The following ETV3 variants were observed in gnomAD, a reference collection of about 807,000 sequenced individuals.
ETV3 encodes ETS translocation variant 3.
Under a neutral mutation model 33.0 loss-of-function variants are expected in ETV3, and 8 were observed. That is an observed-to-expected ratio of 0.24 (90% confidence interval 0.14 to 0.44). The LOEUF (loss-of-function observed/expected upper bound fraction) is 0.44. Ranked by LOEUF, ETV3 falls within the 20% of genes least tolerant of loss-of-function variation. ETV3 has a pLI of 1.00. For synonymous variants in ETV3, 222 were observed against 238.9 expected, an observed-to-expected ratio of 0.93 and a Z score of 0.65; for missense variants, 473 against 652.3, an observed-to-expected ratio of 0.73 and a Z score of 2.99.
chr1:157,131,119 C>T (rs1398071877), intron 4 of ETV3, among the ~76,000 whole-genome samples: 1 of 152,114 alleles, frequency 6.6e-6, no homozygotes, highest in Non-Finnish European at 1.5e-5. Flanking sequence ...TTCCAGTATT[C>T]CTGTAGGTTT....
rs983547959 is a variant in ETV3, at chr1:157,125,404, T to C, written c.976A>G (p.Met326Val). The change falls in exon 5 of 5, where the codon ATG (methionine) becomes GTG (valine). Residue 326 changes from methionine to valine, a missense_variant. Met to Val is a conservative substitution (Grantham distance 21). Coordinates refer to ENST00000368192, the MANE Select transcript of ETV3 (RefSeq NM_001145312.3). This position sits in a 1 kb window ranked among gnomAD's most constrained non-coding sequence, Gnocchi z 4.0. ...PRTFPRYPGL[M>V]VPPLQCQMHP... Reference sequence around the variant, plus strand: ...ATTTGGCACTGCAGTGGTGGAACCATGAGCCCTGGGTAACGGGGAAAAGTC... The same window carrying C: ...ATTTGGCACTGCAGTGGTGGAACCACGAGCCCTGGGTAACGGGGAAAAGTC... The C allele has an allele frequency of 1.5e-5, 24 of 1,552,178 alleles. No individual in the cohort carries two copies. Among genetic ancestry groups the C allele is most frequent in the Middle Eastern group, 1.7e-4 (1 of 5,996 alleles).
chr1:157,124,769 C>CCCCAAAATTTT lies in ETV3; in HGVS notation c.*71_*72insAAAATTTTGGG. 1.4e-6 allele frequency: 1 copy of CCCCAAAATTTT among 694,886 alleles called. No individual in the cohort carries two copies. The highest frequency in any genetic ancestry group is 2.0e-6 in the Non-Finnish European group (1 of 488,672). 43.0% of individuals were successfully genotyped at this position (694,886 alleles called of 1,614,324 possible). ...CCAGTTTAACTCCCTCCCCCCCACC[C>CCCCAAAATTTT]TGAAATCTTGCTACATAAATACATG... On this transcript the variant is annotated 3_prime_UTR_variant, in exon 5 of 5. Transcript: ENST00000368192.
chr1:157,125,465 T>C lies in ETV3; in HGVS notation c.915A>G (p.Gln305=). 1 of 1,552,282 alleles carries C rather than the reference T, an allele frequency of 6.4e-7. No individual in the cohort carries two copies. The change falls in exon 5 of 5, where the codon CAA becomes CAG. Residue 305 remains glutamine (Q), a synonymous_variant. Transcript: ENST00000368192. The surrounding 1 kb of genome is among the most constrained non-coding windows in gnomAD (Gnocchi z 4.0). ...PEEMKHYLHS[Q]ACSVFNYHLS... ...GATGGTAGTTGAACACAGAACAAGC[T>C]TGAGAATGAAGGTAGTGTTTCATTT...
chr1:157,136,690 G>C (rs1364794183), intron 1 of ETV3, among the ~76,000 whole-genome samples: 1 of 152,190 alleles, frequency 6.6e-6, no homozygotes, highest in East Asian at 1.9e-4. Context: ...AAGGTACAGT[G>C]AAATGGGTCC....
chr1:157,133,355 T>C, intron 4 of ETV3: 1 of 978,812 alleles, frequency 1.0e-6, no homozygotes, highest in Non-Finnish European at 1.2e-6. Flanking sequence ...TCTTAGAACA[T>C]ATACTGCTCA....
intron 2 of ETV3, 146 bp downstream of exon 2, chr1:157,136,161 C>T: frequency 1.3e-6 from 1 of 788,720 alleles, no homozygotes; most frequent in South Asian, 1.5e-5. Context: ...CCATAGGAAA[C>T]AAGCCTACAA....
chr1:157,128,354 A>G, intron 4 of ETV3: 1 of 175,870 alleles, frequency 5.7e-6, no homozygotes, highest in Non-Finnish European at 1.3e-5. Context: ...TGAAAGAGAG[A>G]ATTAAATACG....
Position 157,125,872 on chromosome 1 carries a change from A to G in ETV3, c.508T>C (p.Ser170Pro), listed in dbSNP as rs1313935965. The change falls in exon 5 of 5, where the codon TCT (serine) becomes CCT (proline). Residue 170 changes from serine to proline, a missense_variant. Around this residue, in one of 3 missense-constraint regions of ETV3, gnomAD observed 410 missense variants for 520.2 expected, o/e 0.79. Coordinates refer to ENST00000368192, the MANE Select transcript of ETV3 (RefSeq NM_001145312.3). This position sits in a 1 kb window ranked among gnomAD's most constrained non-coding sequence, Gnocchi z 4.0. ...CCAGAAGCAGTTAGGGAGCTAGCAG[A>G]GAACCGTCCCGGCTGCACATCATTG... ...PTNDVQPGRF[S>P]ASSLTASGQE... The G allele has an allele frequency of 1.9e-6, 3 of 1,551,756 alleles. No homozygotes were observed. The highest frequency in any genetic ancestry group is 3.9e-5 in the Admixed American group (2 of 51,008).
intron 4 of ETV3, 87 bp downstream of exon 4, chr1:157,134,025 C>T: frequency 6.4e-7 from 1 of 1,553,518 alleles, no homozygotes; most frequent in Admixed American, 2.0e-5. Flanking sequence ...CTAAAATCTT[C>T]CTAAACATGC....
At chr1:157,128,468 C>T in intron 4 of ETV3, 1 of 314,894 alleles carries the variant, frequency 3.2e-6, no homozygotes, top group Non-Finnish European at 6.4e-6. Flanking sequence ...CTCCATGTCT[C>T]TTTGGGTGGA....
chr1:157,130,007 C>A (rs532350651), intron 4 of ETV3, among the ~76,000 whole-genome samples: 33 of 152,118 alleles, frequency 2.2e-4, no homozygotes, highest in African/African-American at 8.0e-4. Flanking sequence ...CCATGACTGG[C>A]TGATTTTTGT....
rs1373617107 is a variant in ETV3 at position 157,122,472 on chromosome 1, A to G, written c.*2369T>C. The G allele has an allele frequency of 6.6e-6, 1 of 152,104 alleles. No homozygotes were observed. Among genetic ancestry groups the G allele is most frequent in the African/African-American group, 2.4e-5 (1 of 41,404 alleles). 9.4% of individuals were successfully genotyped at this position (152,104 alleles called of 1,614,324 possible). A position where few individuals can be genotyped will look rare whatever the true frequency, so the allele number is the denominator to read the frequency against. ...AAAAATATTTTTCATGGAGTTGAAC[A>G]TTTTTCGAGTGTGTTTTTTTCAAGT... On this transcript the variant is annotated 3_prime_UTR_variant, in exon 5 of 5. Coordinates refer to ENST00000368192, the MANE Select transcript of ETV3 (RefSeq NM_001145312.3).
At chr1:157,138,075 C>A (rs1031615927) in intron 1 of ETV3, among the ~76,000 whole-genome samples, 1 of 152,218 alleles carries the variant, frequency 6.6e-6, no homozygotes, top group African/African-American at 2.4e-5. Flanking sequence ...CCTCCCGGGC[C>A]GGGCTTCCCT....
At position 157,123,012 on chromosome 1, in the gene ETV3, CCT is replaced by C. The variant is rs1021434187; in HGVS notation, c.*1827_*1828del. On this transcript the variant is annotated 3_prime_UTR_variant, in exon 5 of 5. Coordinates refer to ENST00000368192, the MANE Select transcript of ETV3 (RefSeq NM_001145312.3). Reference sequence around the variant, plus strand: ...TGCCCTAACCTTTTCTGAGTCCCTCCCTCTCTTGTGCAAGCACTGTAGTTTAA... The same window carrying C: ...TGCCCTAACCTTTTCTGAGTCCCTCCCTCTTGTGCAAGCACTGTAGTTTAA... 2 of 152,222 alleles carry C rather than the reference CCT, an allele frequency of 1.3e-5. No homozygotes were observed. Among genetic ancestry groups the C allele is most frequent in the African/African-American group, 2.4e-5 (1 of 41,434 alleles). 9.4% of individuals were successfully genotyped at this position (152,222 alleles called of 1,614,324 possible). A position where few individuals can be genotyped will look rare whatever the true frequency, so the allele number is the denominator to read the frequency against.
Position 157,125,314 on chromosome 1 carries a change from G to A in ETV3, c.1066C>T (p.Arg356Trp), listed in dbSNP as rs1674803630. 2 of 1,551,918 alleles carry A rather than the reference G, an allele frequency of 1.3e-6. No homozygotes were observed. The highest frequency in any genetic ancestry group is 1.7e-6 in the Non-Finnish European group (2 of 1,147,064). The change falls in exon 5 of 5, where the codon CGG becomes TGG. Residue 356 changes from arginine (R) to tryptophan (W), a missense_variant. Arg to Trp is a moderately radical substitution (Grantham distance 101). Around this residue, in one of 3 missense-constraint regions of ETV3, gnomAD observed 410 missense variants for 520.2 expected, o/e 0.79. Transcript: ENST00000368192. This position sits in a 1 kb window ranked among gnomAD's most constrained non-coding sequence, Gnocchi z 4.0. ...LQPPPVGRKN[R>W]ERVESSEESA... Reference sequence around the variant, plus strand: ...TCCTCGCTGCTCTCAACCCTCTCCCGGTTCTTCCGCCCAACTGGTGGGGGC... The same window carrying A: ...TCCTCGCTGCTCTCAACCCTCTCCCAGTTCTTCCGCCCAACTGGTGGGGGC...
chr1:157,126,029 T>G, intron 4 of ETV3, 50 bp from the exon 5 acceptor site: 3 of 1,436,518 alleles, frequency 2.1e-6, no homozygotes, highest in Non-Finnish European at 2.8e-6. Flanking sequence ...TGCTCATTCA[T>G]TATCATCACT....
chr1:157,133,690 C>G (rs1168899343), intron 4 of ETV3: 5 of 993,644 alleles, frequency 5.0e-6, no homozygotes, highest in Non-Finnish European at 6.0e-6. Context: ...TGATGATATT[C>G]ACTTGATAAG....
At position 157,122,319 on chromosome 1, in the gene ETV3, T is replaced by G. The variant is rs1415900308; in HGVS notation, c.*2522A>C. On this transcript the variant is annotated 3_prime_UTR_variant, in exon 5 of 5. Transcript: ENST00000368192. ...GGCCCACTTCCTGAGCAACCCCAGG[T>G]TCGGCTCTGTATAAGGACCCTCCCC... 1 of 152,142 alleles carries G rather than the reference T, an allele frequency of 6.6e-6. No individual in the cohort carries two copies. The highest frequency in any genetic ancestry group is 6.5e-5 in the Admixed American group (1 of 15,268). The allele number at this position is 152,142 out of a possible 1,614,324, so 9.4% of individuals were successfully genotyped here. A position where few individuals can be genotyped will look rare whatever the true frequency, so the allele number is the denominator to read the frequency against.
intron 4 of ETV3, chr1:157,133,599 T>C (rs1675023995): frequency 1.0e-6 from 1 of 986,728 alleles, no homozygotes; most frequent in Non-Finnish European, 1.2e-6. Flanking sequence ...CTCTGAGGAT[T>C]TGCTGTTGCA....
Sources: gnomAD v4.1 joint callset for allele counts (sites outside exome capture counted in the v4.1 genomes callset) on GRCh38, gnomAD v4.1.1 for gene constraint, gnomAD v4.1.1 regional missense constraint, Gnocchi (gnomAD v3.1) non-coding constraint, MANE v1.5 for transcripts, NCBI Gene and HGNC (gene_info 2026-07-23, HGNC 2026-07-21) for gene names.